RYR2: variants seen among roughly 807,000 people sequenced by gnomAD.
RYR2 encodes the protein ryanodine receptor 2.
RYR2 carries 227 observed loss-of-function variants against 601.1 expected under a neutral mutation model. The observed-to-expected ratio is 0.38, with a 90% CI of 0.34 to 0.42. The LOEUF (loss-of-function observed/expected upper bound fraction) is 0.42. Ranked by LOEUF, RYR2 falls within the 10% of genes least tolerant of loss-of-function variation. The pLI, the probability that RYR2 is intolerant of heterozygous loss-of-function variation, is 1.00. For missense variants in RYR2, 4,646 were observed against 6,156.5 expected (o/e 0.75, Z 8.21); for synonymous variants, 2,223 against 2,175.1 (o/e 1.02, Z -0.61).
intron 17 of RYR2, among the ~76,000 whole-genome samples, chr1:237,470,552 G>C (rs1199591633): frequency 6.6e-6 from 1 of 152,078 alleles, no homozygotes; most frequent in Non-Finnish European, 1.5e-5. Flanking sequence ...GGAGATTGTT[G>C]TAATAAAAAC....
At chr1:237,156,017 C>CA (rs1675292160) in intron 1 of RYR2, among the ~76,000 whole-genome samples, 1 of 152,212 alleles carries the variant, frequency 6.6e-6, no homozygotes, top group Non-Finnish European at 1.5e-5. Context: ...CTGAACCTCA[C>CA]ACATGTGTTC....
chr1:237,172,952 C>G (rs756896918), intron 1 of RYR2, among the ~76,000 whole-genome samples: 1 of 152,126 alleles, frequency 6.6e-6, no homozygotes, highest in Non-Finnish European at 1.5e-5. Context: ...AATGACAGAA[C>G]TTGTTTTTAG....
chr1:237,744,603 C>T (rs1691906875), intron 80 of RYR2, among the ~76,000 whole-genome samples: 1 of 151,906 alleles, frequency 6.6e-6, no homozygotes, highest in Admixed American at 6.6e-5. Context: ...TTGCAGTGAG[C>T]CGAGATTGCT....
intron 1 of RYR2, among the ~76,000 whole-genome samples, chr1:237,112,349 G>T (rs2148594225): frequency 6.6e-6 from 1 of 152,192 alleles, no homozygotes; most frequent in South Asian, 2.1e-4. Context: ...CCTGACCTCA[G>T]GTGATCCGCC....
chr1:237,425,311 C>T (rs150975461), intron 12 of RYR2, among the ~76,000 whole-genome samples: 47 of 152,214 alleles, frequency 3.1e-4, no homozygotes, highest in African/African-American at 1.1e-3. Flanking sequence ...ATAGGGATCA[C>T]CAACACCCCT....
At chr1:237,422,160 T>C (rs1223391911) in intron 11 of RYR2, among the ~76,000 whole-genome samples, 2 of 152,218 alleles carry the variant, frequency 1.3e-5, no homozygotes, top group African/African-American at 4.8e-5. Context: ...CAACCTTCAG[T>C]TAACAAGGTA....
intron 25 of RYR2, 102 bp from the exon 26 acceptor site, chr1:237,548,329 T>C: frequency 7.9e-7 from 1 of 1,262,692 alleles, no homozygotes; most frequent in Non-Finnish European, 1.1e-6. Flanking sequence ...ACCACTGTGG[T>C]TTATGGAAGA....
chr1:237,631,612 GATTTTTTTTTT>G, intron 42 of RYR2, 71 bp downstream of exon 42: 3 of 198,912 alleles, frequency 1.5e-5, no homozygotes, highest in African/African-American at 6.5e-5. Context: ...ATAGAATGCA[GATTTTTTTTTT>G]TTTTTTTTTT....
chr1:237,676,839 T>TA (rs968594433), intron 60 of RYR2, among the ~76,000 whole-genome samples: 1 of 152,172 alleles, frequency 6.6e-6, no homozygotes, highest in African/African-American at 2.4e-5. Context: ...GCATTTTTTT[T>TA]AAATGTAGTA....
Position 237,687,455 on chromosome 1 carries a change from C to A in RYR2, c.9018C>A (p.Ser3006Arg), listed in dbSNP as rs2148969050. ...TCTTTTGTTTTTCTTTTGTCTTCAG[C>A]CTATTCTGCAAACTTGGAGTTCTTG... is the stretch of plus-strand genomic sequence containing the variant. Reference protein sequence around the residue: ...ASNKEKEMVTSLFCKLGVLVR... With the variant: ...ASNKEKEMVTRLFCKLGVLVR... The change falls in exon 63 of 105, where the codon AGC becomes AGA. Residue 3006 changes from serine to arginine, a missense_variant and splice_region_variant. Ser to Arg is a moderately radical substitution (Grantham distance 110). Transcript: ENST00000366574. 2 of 1,558,636 alleles carry A rather than the reference C, an allele frequency of 1.3e-6. No individual in the cohort carries two copies. Among genetic ancestry groups the A allele is most frequent in the Non-Finnish European group, 1.7e-6 (2 of 1,142,958 alleles).
At chr1:237,498,740 T>A (rs772746645) in intron 20 of RYR2, among the ~76,000 whole-genome samples, 3 of 152,192 alleles carry the variant, frequency 2.0e-5, no homozygotes, top group Non-Finnish European at 4.4e-5. Flanking sequence ...TTATACCTTT[T>A]ATTACAAAGT....
chr1:237,653,496 A>G (rs1682955399), intron 51 of RYR2, among the ~76,000 whole-genome samples: 1 of 152,226 alleles, frequency 6.6e-6, no homozygotes, highest in Non-Finnish European at 1.5e-5. Context: ...TGTTCAAGAT[A>G]TAGTTACTTG....
chr1:237,304,210 C>A (rs1272709066), intron 2 of RYR2, among the ~76,000 whole-genome samples: 2 of 152,140 alleles, frequency 1.3e-5, no homozygotes, highest in Non-Finnish European at 2.9e-5. Context: ...TCATTTCTTA[C>A]CTTGGAAGGC....
rs566555463 is a variant in RYR2 at position 237,626,477 on chromosome 1, T to C, written c.6166+673T>C. 6.6e-5 allele frequency among the ~76,000 whole-genome samples: 10 copies of C among 152,102 alleles called. No individual in the cohort carries two copies. The South Asian group carries it at 2.1e-3, about 32-fold the overall frequency. On this transcript the variant is annotated intron_variant, in intron 40 of 104. Transcript: ENST00000366574. ...AACAGAAAACCTTTATTCATACAGT[T>C]ACTTCTAAATTTATTTTTCAGTGTC...
At chr1:237,108,206 G>C (rs1668967231) in intron 1 of RYR2, among the ~76,000 whole-genome samples, 1 of 152,194 alleles carries the variant, frequency 6.6e-6, no homozygotes, top group Non-Finnish European at 1.5e-5. Flanking sequence ...TTTAGACTTA[G>C]CGACCCAGAA....
chr1:237,606,320 C>G (rs12403198), intron 35 of RYR2, among the ~76,000 whole-genome samples: 21 of 151,748 alleles, frequency 1.4e-4, no homozygotes, highest in Admixed American at 8.5e-4. Flanking sequence ...AATGGGGAAA[C>G]GATTCCCTAT....
intron 1 of RYR2, among the ~76,000 whole-genome samples, chr1:237,050,613 C>T (rs981220819): frequency 6.6e-6 from 1 of 152,048 alleles, no homozygotes; most frequent in African/African-American, 2.4e-5. Context: ...CTCTTTCCTC[C>T]TGAGTTTAGA....
chr1:237,072,529 G>A (rs748829699), intron 1 of RYR2, among the ~76,000 whole-genome samples: 2 of 152,100 alleles, frequency 1.3e-5, no homozygotes, highest in African/African-American at 4.8e-5. Context: ...AGGGGGAAGT[G>A]AATGCCAAAA....
intron 91 of RYR2, among the ~76,000 whole-genome samples, chr1:237,786,629 G>T (rs1014915874): frequency 3.3e-5 from 5 of 152,184 alleles, no homozygotes; most frequent in African/African-American, 1.2e-4. Flanking sequence ...AAAAGAGCTG[G>T]ATGTGAGGCG....
Sources: gnomAD v4.1 joint callset for allele counts (sites outside exome capture counted in the v4.1 genomes callset) on GRCh38, gnomAD v4.1.1 for gene constraint, MANE v1.5 for transcripts, NCBI Gene and HGNC (gene_info 2026-07-23, HGNC 2026-07-21) for gene names.